ALOX12B: variants seen among roughly 807,000 people sequenced by gnomAD.
ALOX12B encodes arachidonate 12-lipoxygenase, 12R type.
Under a neutral mutation model 78.9 loss-of-function variants are expected in ALOX12B, and 47 were observed. That is an observed-to-expected ratio of 0.60 (90% confidence interval 0.47 to 0.76). The LOEUF is 0.76. Among genes scored for constraint, ALOX12B ranks in the 30% least tolerant of loss-of-function variants. ALOX12B has a pLI of 0.00. For synonymous variants in ALOX12B, 370 were observed against 374.5 expected, an observed-to-expected ratio of 0.99 and a Z score of 0.14; for missense variants, 805 against 922.6, an observed-to-expected ratio of 0.87 and a Z score of 1.65.
chr17:8,075,954 G>A (rs949752820), intron 11 of ALOX12B, among the ~76,000 whole-genome samples: 2 of 152,298 alleles, frequency 1.3e-5, no homozygotes, highest in East Asian at 3.9e-4. Flanking sequence ...GATCCCAGAA[G>A]CGATTTGGCC....
chr17:8,075,645 G>T lies in ALOX12B; in HGVS notation c.1604C>A (p.Ser535Tyr). Residue 535 changes from serine (S) to tyrosine (Y), a missense_variant, in exon 12 of 15, where the codon TCT becomes TAT. Transcript: ENST00000647874. The part of the protein sequence containing the change: ...AAVEGDPELQ[S>Y]WVQEIFKECL... ...CTCTTTAAATATTTCCTGCACCCAA[G>T]ACTGCAATTCCGGATCACCCTCCAC... 6.2e-7 allele frequency: 1 copy of T among 1,614,132 alleles called. No individual in the cohort carries two copies. Among genetic ancestry groups the T allele is most frequent in the South Asian group, 1.1e-5 (1 of 91,086 alleles).
In ALOX12B at chr17:8,072,750, GGA is replaced by G. The variant is rs1358022568; in HGVS notation, c.*19_*20del. ...AATAGTAGGGCACAGAATGGGGAGAGGAGAGACGGGAAGCGCGCTCCTAAATA... is the reference window on the plus strand; with the variant it reads ...AATAGTAGGGCACAGAATGGGGAGAGGAGACGGGAAGCGCGCTCCTAAATA... On this transcript the variant is annotated 3_prime_UTR_variant, in exon 15 of 15. Transcript: ENST00000647874. The G allele has an allele frequency of 6.2e-7, 1 of 1,614,064 alleles. No homozygotes were observed. Among genetic ancestry groups the G allele is most frequent in the South Asian group, 1.1e-5 (1 of 91,084 alleles).
At position 8,078,508 on chromosome 17, in the gene ALOX12B, C is replaced by T. The variant is rs367816132; in HGVS notation, c.1071+888G>A. On this transcript the variant is annotated intron_variant, in intron 8 of 14. Transcript: ENST00000647874. ...CAAGAGGGCCGGGCGAGGTGGCTCA[C>T]GCCTGTAGTCCCAGCACTTTGGGAG... Among the ~76,000 whole-genome samples, 67 of 152,034 alleles carry T rather than the reference C, an allele frequency of 4.4e-4. 1 individual carries two copies. The East Asian group carries it at 0.012, about 28-fold the overall frequency.
intron 8 of ALOX12B, among the ~76,000 whole-genome samples, chr17:8,077,501 C>T (rs1483395509): frequency 1.3e-5 from 2 of 152,250 alleles, no homozygotes; most frequent in African/African-American, 4.8e-5. Flanking sequence ...CACACCTCCA[C>T]CACATTCAGG....
intron 1 of ALOX12B, among the ~76,000 whole-genome samples, chr17:8,086,502 C>T (rs1978299055): frequency 6.6e-6 from 1 of 152,208 alleles, no homozygotes; most frequent in African/African-American, 2.4e-5. Flanking sequence ...CTCCAGGCAC[C>T]TGAGGTTGCA....
intron 14 of ALOX12B, 99 bp from the exon 15 acceptor site, chr17:8,073,049 C>G: frequency 6.2e-7 from 1 of 1,601,626 alleles, no homozygotes; most frequent in Admixed American, 1.7e-5. Context: ...TCAGTGGCCT[C>G]TCACTCCCTG....
intron 13 of ALOX12B, 98 bp from the exon 14 acceptor site, chr17:8,073,416 A>C (rs1598177120): frequency 6.6e-7 from 1 of 1,519,702 alleles, no homozygotes; most frequent in Non-Finnish European, 9.0e-7. Context: ...GCTGAGATGG[A>C]CTCCCCGCCC....
In ALOX12B at chr17:8,076,230, G is replaced by A. The variant is rs146699913; in HGVS notation, c.1477C>T (p.Leu493=). ...TCATCGCGGTAGTAATATCCAGGCA[G>A]GTCCTGGACCCCACGCTCCACAAAG... is the stretch of plus-strand genomic sequence containing the variant. ...NDFVERGVQD[L]PGYYYRDDSL... is the part of the protein sequence containing the mutation. Residue 493 remains leucine, a synonymous_variant, in exon 11 of 15, where the codon CTG becomes TTG. Coordinates refer to ENST00000647874, the MANE Select transcript of ALOX12B (RefSeq NM_001139.3). 1.9e-6 allele frequency: 3 copies of A among 1,614,032 alleles called. No individual in the cohort carries two copies. Among genetic ancestry groups the A allele is most frequent in the Non-Finnish European group, 2.5e-6 (3 of 1,180,030 alleles).
intron 1 of ALOX12B, 97 bp from the exon 2 acceptor site, chr17:8,086,317 G>T: frequency 8.1e-7 from 1 of 1,235,330 alleles, no homozygotes; most frequent in Non-Finnish European, 1.2e-6. Context: ...TGCTCATGCT[G>T]CGCAATGCTC....
In ALOX12B at chr17:8,076,038, GAC is replaced by G; in HGVS notation, c.1532+135_1532+136del. ...AGGGTGTAGGTGTGATGGACACACA[GAC>G]CCCAGGCCCCTTCCCCAAGGCCAAG... On this transcript the variant is annotated intron_variant, in intron 11 of 14. Coordinates refer to ENST00000647874, the MANE Select transcript of ALOX12B (RefSeq NM_001139.3). 2.5e-6 allele frequency: 3 copies of G among 1,191,026 alleles called. No individual in the cohort carries two copies. The South Asian group carries it at 3.8e-5, about 15-fold the overall frequency. 73.8% of individuals were successfully genotyped at this position (1,191,026 alleles called of 1,614,324 possible). A position where few individuals can be genotyped will look rare whatever the true frequency, so the allele number is the denominator to read the frequency against.
Position 8,087,577 on chromosome 17 carries a change from G to T in ALOX12B, c.-135C>A. ...GCTGGCCTCCGAGGTGCAGTGGTGA[G>T]GTGGCGAGGTGGGGTGACTAGGCCT... is the stretch of plus-strand genomic sequence containing the variant. On this transcript the variant is annotated 5_prime_UTR_variant, in exon 1 of 15. Coordinates refer to ENST00000647874, the MANE Select transcript of ALOX12B (RefSeq NM_001139.3). 2 of 1,442,762 alleles carry T rather than the reference G, an allele frequency of 1.4e-6. No individual in the cohort carries two copies. Among genetic ancestry groups the T allele is most frequent in the South Asian group, 2.4e-5 (2 of 84,590 alleles). The allele number at this position is 1,442,762 out of a possible 1,614,324, so 89.4% of individuals were successfully genotyped here.
chr17:8,072,902 G>T lies in ALOX12B; in HGVS notation c.1975C>A (p.Arg659=), dbSNP rs1295301398. The T allele has an allele frequency of 6.2e-7, 1 of 1,613,930 alleles. No homozygotes were observed. Among genetic ancestry groups the T allele is most frequent in the Admixed American group, 1.7e-5 (1 of 60,010 alleles). Residue 659 remains arginine, a synonymous_variant, in exon 15 of 15, where the codon CGG becomes AGG. Coordinates refer to ENST00000647874, the MANE Select transcript of ALOX12B (RefSeq NM_001139.3). The part of the protein sequence containing the change: ...PDIHFVEEAP[R]RSIEAFRQRL... ...TGGCGGAACGCCTCTATGCTCCTCC[G>T]CGGGGCCTCCTCCACGAAGTGAATG...
chr17:8,079,996 A>G lies in ALOX12B; in HGVS notation c.755-55T>C, dbSNP rs752636005. The G allele has an allele frequency of 2.0e-5, 32 of 1,584,358 alleles. No individual in the cohort carries two copies. The South Asian group carries it at 3.5e-4, about 17-fold the overall frequency. ...GAGGCCCGGCCCCCCTCGGGGACGG[A>G]GAGGCATGGGACAGAAGAAGACTAT... On this transcript the variant is annotated intron_variant, in intron 6 of 14. Coordinates refer to ENST00000647874, the MANE Select transcript of ALOX12B (RefSeq NM_001139.3). This position sits in a 1 kb window ranked among gnomAD's most constrained non-coding sequence, Gnocchi z 6.4.
In ALOX12B at chr17:8,080,097, AT is replaced by A; in HGVS notation, c.754+137del. ...AGCGGCCGGAGGAGCCCGGTGCGAC[AT>A]TTTCCAAGAAGCCGCCAGAGGGCGC... On this transcript the variant is annotated intron_variant, in intron 6 of 14. Coordinates refer to ENST00000647874, the MANE Select transcript of ALOX12B (RefSeq NM_001139.3). This position sits in a 1 kb window ranked among gnomAD's most constrained non-coding sequence, Gnocchi z 4.8. 6.8e-7 allele frequency: 1 copy of A among 1,481,422 alleles called. No individual in the cohort carries two copies. Among genetic ancestry groups the A allele is most frequent in the Non-Finnish European group, 9.4e-7 (1 of 1,064,502 alleles). The allele number at this position is 1,481,422 out of a possible 1,614,324, so 91.8% of individuals were successfully genotyped here. A position where few individuals can be genotyped will look rare whatever the true frequency, so the allele number is the denominator to read the frequency against.
At position 8,076,177 on chromosome 17, in the gene ALOX12B, C is replaced by T; in HGVS notation, c.1530G>A (p.Glu510=). Residue 510 remains glutamate (E), a splice_region_variant and synonymous_variant, in exon 11 of 15, where the codon GAG becomes GAA. Coordinates refer to ENST00000647874, the MANE Select transcript of ALOX12B (RefSeq NM_001139.3). The part of the protein sequence containing the change: ...DDSLAVWNAL[E]KYVTEIITYY... Reference sequence around the variant, plus strand: ...ACCCACTGCTGTCCTGAGCTCACTTCTCCAGTGCATTCCACACCGCCAAGC... The same window carrying T: ...ACCCACTGCTGTCCTGAGCTCACTTTTCCAGTGCATTCCACACCGCCAAGC... 6.2e-7 allele frequency: 1 copy of T among 1,614,094 alleles called. No individual in the cohort carries two copies. Among genetic ancestry groups the T allele is most frequent in the Non-Finnish European group, 8.5e-7 (1 of 1,180,018 alleles).
rs1187214492 is a variant in ALOX12B at position 8,080,240 on chromosome 17, A to G, written c.749T>C (p.Val250Ala). 1 of 1,614,086 alleles carries G rather than the reference A, an allele frequency of 6.2e-7. No individual in the cohort carries two copies. The highest frequency in any genetic ancestry group is 8.5e-7 in the Non-Finnish European group (1 of 1,179,940). Residue 250 changes from valine (V) to alanine (A), a missense_variant, in exon 6 of 15, where the codon GTC becomes GCC. By Grantham distance (64) the Val-to-Ala change is moderately conservative. Coordinates refer to ENST00000647874, the MANE Select transcript of ALOX12B (RefSeq NM_001139.3). This position sits in a 1 kb window ranked among gnomAD's most constrained non-coding sequence, Gnocchi z 4.8. Reference sequence around the variant, plus strand: ...CGGGACGCCCCATTCCATACCGGAGACGACAGATTTCTTGCCAGGGAAAAT... The same window carrying G: ...CGGGACGCCCCATTCCATACCGGAGGCGACAGATTTCTTGCCAGGGAAAAT... The part of the protein sequence containing the change: ...RKIFPGKKSV[V>A]SEYVAEHWAE...
rs1291283788 is a variant in ALOX12B at position 8,080,330 on chromosome 17, G to A, written c.659C>T (p.Ala220Val). 2 of 1,614,080 alleles carry A rather than the reference G, an allele frequency of 1.2e-6. No homozygotes were observed. Among genetic ancestry groups the A allele is most frequent in the African/African-American group, 1.3e-5 (1 of 74,942 alleles). Residue 220 changes from alanine to valine, a missense_variant, in exon 6 of 15, where the codon GCT (alanine) becomes GTT (valine). Coordinates refer to ENST00000647874, the MANE Select transcript of ALOX12B (RefSeq NM_001139.3). The surrounding 1 kb of genome is among the most constrained non-coding windows in gnomAD (Gnocchi z 4.8). The part of the protein sequence containing the change: ...FFVRLGPMAL[A>V]FKVRGLLDCK... Reference sequence around the variant, plus strand: ...GTCCAACAGGCCGCGGACTTTGAAAGCCAGTGCCCTAGGAGATGGGATTCC... The same window carrying A: ...GTCCAACAGGCCGCGGACTTTGAAAACCAGTGCCCTAGGAGATGGGATTCC...
chr17:8,079,123 T>G lies in ALOX12B; in HGVS notation c.1071+273A>C, dbSNP rs561526888. 5.3e-5 allele frequency among the ~76,000 whole-genome samples: 8 copies of G among 151,812 alleles called. No homozygotes were observed. The highest frequency in any genetic ancestry group is 1.2e-4 in the Non-Finnish European group (8 of 67,930). On this transcript the variant is annotated intron_variant, in intron 8 of 14. Coordinates refer to ENST00000647874, the MANE Select transcript of ALOX12B (RefSeq NM_001139.3). This position sits in a 1 kb window ranked among gnomAD's most constrained non-coding sequence, Gnocchi z 6.4. ...CGTGTTAGCCAGGATGGTCTCGATC[T>G]CCTGACCTCGTGATCCGCCCGCCTC...
rs762230828 is a variant in ALOX12B at position 8,075,677 on chromosome 17, G to A, written c.1572C>T (p.Asp524=). The A allele has an allele frequency of 4.8e-5, 78 of 1,613,994 alleles. 1 individual carries two copies. Among genetic ancestry groups the A allele is most frequent in the South Asian group, 4.2e-4 (38 of 91,082 alleles). ...TEIITYYYPS[D]AAVEGDPELQ... is the part of the protein sequence containing the mutation. ...ATTCCGGATCACCCTCCACGGCTGC[G>A]TCACTCGGGTAATAATAGGTGATGA... Residue 524 remains aspartate (D), a synonymous_variant, in exon 12 of 15, where the codon GAC becomes GAT. Coordinates refer to ENST00000647874, the MANE Select transcript of ALOX12B (RefSeq NM_001139.3).
Sources: gnomAD v4.1 joint callset for allele counts (sites outside exome capture counted in the v4.1 genomes callset) on GRCh38, gnomAD v4.1.1 for gene constraint, Gnocchi (gnomAD v3.1) non-coding constraint, MANE v1.5 for transcripts, NCBI Gene and HGNC (gene_info 2026-07-23, HGNC 2026-07-21) for gene names.